NALF1: variants seen among roughly 807,000 people sequenced by gnomAD.
The protein encoded by NALF1 is family with sequence similarity 155 member A.
NALF1 carries 3 observed loss-of-function variants against 48.4 expected under a neutral mutation model. The observed-to-expected ratio is 0.06, with a 90% CI of 0.03 to 0.16. The LOEUF is 0.16. NALF1 is among the 10% of genes least tolerant of loss of function. NALF1 has a pLI of 1.00. For synonymous variants in NALF1, 262 were observed against 245.7 expected (o/e 1.07, Z -0.62); for missense variants, 526 against 571.5 (o/e 0.92, Z 0.81).
chr13:107,232,955 A>G (rs7319513), intron 1 of NALF1, among the ~76,000 whole-genome samples: 4,610 of 152,256 alleles, frequency 0.03, 196 homozygotes, highest in African/African-American at 0.095. Context: ...ACACTTGCCT[A>G]TGGTTACACA....
chr13:107,462,986 G>A (rs746326145), intron 1 of NALF1, among the ~76,000 whole-genome samples: 4 of 152,076 alleles, frequency 2.6e-5, no homozygotes, highest in Non-Finnish European at 5.9e-5. Flanking sequence ...GGGTGGTCTT[G>A]GGGAACCCGG....
At chr13:107,416,557 A>AT (rs1490236768) in intron 1 of NALF1, among the ~76,000 whole-genome samples, 3 of 151,988 alleles carry the variant, frequency 2.0e-5, no homozygotes, top group Non-Finnish European at 4.4e-5. Flanking sequence ...TCTGGAAACC[A>AT]TTTTCTTTTC....
chr13:107,524,694 G>A (rs1481345407), intron 1 of NALF1, among the ~76,000 whole-genome samples: 1 of 152,090 alleles, frequency 6.6e-6, no homozygotes, highest in African/African-American at 2.4e-5. Context: ...TACAGAGATA[G>A]TAACTCAATA....
At chr13:107,661,153 C>T (rs1031050434) in intron 1 of NALF1, among the ~76,000 whole-genome samples, 5 of 152,276 alleles carry the variant, frequency 3.3e-5, no homozygotes, top group East Asian at 3.9e-4. Context: ...AAAAAACATT[C>T]GCATTCCTCA....
chr13:107,271,343 G>A (rs1566470524), intron 1 of NALF1, among the ~76,000 whole-genome samples: 1 of 152,172 alleles, frequency 6.6e-6, no homozygotes, highest in African/African-American at 2.4e-5. Context: ...GGTATTTGAT[G>A]TGTAAGAAGT....
At chr13:107,176,438 C>A (rs951616852) in intron 2 of NALF1, among the ~76,000 whole-genome samples, 2 of 150,282 alleles carry the variant, frequency 1.3e-5, no homozygotes, top group African/African-American at 4.9e-5. Context: ...GTCAGGAGAT[C>A]GAGACCATCC....
Position 107,548,321 on chromosome 13 carries a change from C to T in NALF1, c.915+317361G>A, listed in dbSNP as rs371062833. 2.6e-3 allele frequency among the ~76,000 whole-genome samples: 397 copies of T among 152,222 alleles called. 2 individuals are homozygous for T. The highest frequency in any genetic ancestry group is 8.6e-3 in the African/African-American group (357 of 41,540). On this transcript the variant is annotated intron_variant, in intron 1 of 2. Coordinates refer to ENST00000375915, the MANE Select transcript of NALF1 (RefSeq NM_001080396.3). ...ATAATCTCATTCTTTTTTATGGCTG[C>T]GCAGTATTCCATGGTGTATATGCAC...
chr13:107,538,676 C>T (rs1183894502), intron 1 of NALF1, among the ~76,000 whole-genome samples: 1 of 152,082 alleles, frequency 6.6e-6, no homozygotes, highest in East Asian at 1.9e-4. Context: ...TCTCAAGATT[C>T]TGTCATTGGA....
At position 107,866,331 on chromosome 13, in the gene NALF1, C is replaced by T. The variant is rs201650540; in HGVS notation, c.266G>A (p.Arg89Gln). 12 of 1,608,822 alleles carry T rather than the reference C, an allele frequency of 7.5e-6. No individual in the cohort carries two copies. The East Asian group carries it at 1.1e-4, about 15-fold the overall frequency. Residue 89 changes from arginine (R) to glutamine (Q), a missense_variant, in exon 1 of 3, where the codon CGG becomes CAG. Physicochemically the swap from Arg to Gln is conservative, Grantham distance 43. Around this residue, in one of 2 missense-constraint regions of NALF1, gnomAD observed 373 missense variants for 355.5 expected, o/e 1.05. Coordinates refer to ENST00000375915, the MANE Select transcript of NALF1 (RefSeq NM_001080396.3). This position sits in a 1 kb window ranked among gnomAD's most constrained non-coding sequence, Gnocchi z 4.4. Reference sequence around the variant, plus strand: ...CCGCCGCTGCTGCTGCTGCTGCTGCCGCTGCCTCTGCTGCTGCTGCTGCTG... The same window carrying T: ...CCGCCGCTGCTGCTGCTGCTGCTGCTGCTGCCTCTGCTGCTGCTGCTGCTG... ...QQQQQQQQRQRQQQQQQRRQQ... is the reference protein window; with the variant it reads ...QQQQQQQQRQQQQQQQQRRQQ...
At chr13:107,245,627 T>C (rs1423605515) in intron 1 of NALF1, among the ~76,000 whole-genome samples, 2 of 152,216 alleles carry the variant, frequency 1.3e-5, no homozygotes, top group Non-Finnish European at 2.9e-5. Flanking sequence ...CCAAGAAATG[T>C]TTGCCATAAG....
chr13:107,174,865 A>C lies in NALF1; in HGVS notation c.1088-4079T>G, dbSNP rs150127964. ...CTGAACTCCTCCTACTGTTGCTCAG[A>C]TCAACAATCTTTTCTTTTTCTTTTT... On this transcript the variant is annotated intron_variant, in intron 2 of 2. Transcript: ENST00000375915. 4.6e-4 allele frequency among the ~76,000 whole-genome samples: 70 copies of C among 151,216 alleles called. 1 individual carries two copies. The East Asian group carries it at 0.013, about 29-fold the overall frequency.
intron 1 of NALF1, among the ~76,000 whole-genome samples, chr13:107,352,103 C>T (rs940445867): frequency 1.3e-5 from 2 of 152,120 alleles, no homozygotes; most frequent in Non-Finnish European, 2.9e-5. Flanking sequence ...CATACAAATT[C>T]GGTTGTATAT....
intron 1 of NALF1, among the ~76,000 whole-genome samples, chr13:107,669,237 A>G (rs1282855281): frequency 6.6e-6 from 1 of 152,160 alleles, no homozygotes; most frequent in Non-Finnish European, 1.5e-5. Flanking sequence ...TGCTAGCCAT[A>G]GCTTTATTTA....
chr13:107,414,819 G>A (rs1884057838), intron 1 of NALF1, among the ~76,000 whole-genome samples: 1 of 82,262 alleles, frequency 1.2e-5, no homozygotes, highest in South Asian at 3.1e-4. Flanking sequence ...GTGAGTGAGT[G>A]TGTGTGTGTG....
intron 1 of NALF1, among the ~76,000 whole-genome samples, chr13:107,263,692 T>G (rs373667208): frequency 1.2e-4 from 19 of 152,296 alleles, no homozygotes; most frequent in Non-Finnish European, 1.6e-4. Context: ...ATGATTGTGA[T>G]GCCTCCCCAG....
At chr13:107,818,428 T>C (rs1201410493) in intron 1 of NALF1, among the ~76,000 whole-genome samples, 1 of 152,088 alleles carries the variant, frequency 6.6e-6, no homozygotes, top group East Asian at 1.9e-4. Context: ...GGTCTGCACA[T>C]AGCTGCTCCT....
chr13:107,553,720 A>G (rs1426573097), intron 1 of NALF1, among the ~76,000 whole-genome samples: 1 of 152,198 alleles, frequency 6.6e-6, no homozygotes, highest in Non-Finnish European at 1.5e-5. Context: ...TACAGCAAAT[A>G]ATTAGTTAAG....
chr13:107,184,521 C>G (rs1413101244), intron 2 of NALF1, among the ~76,000 whole-genome samples: 2 of 152,188 alleles, frequency 1.3e-5, no homozygotes, highest in African/African-American at 4.8e-5. Flanking sequence ...TTCTAGGTCC[C>G]TATGATTGAA....
At chr13:107,680,729 A>T (rs1272953605) in intron 1 of NALF1, among the ~76,000 whole-genome samples, 1 of 103,978 alleles carries the variant, frequency 9.6e-6, no homozygotes. Context: ...GTGAGAGTGT[A>T]TGAGTGTGAA....
Sources: gnomAD v4.1 joint callset for allele counts (sites outside exome capture counted in the v4.1 genomes callset) on GRCh38, gnomAD v4.1.1 for gene constraint, gnomAD v4.1.1 regional missense constraint, Gnocchi (gnomAD v3.1) non-coding constraint, MANE v1.5 for transcripts, NCBI Gene and HGNC (gene_info 2026-07-23, HGNC 2026-07-21) for gene names.